TMEM132D: variants seen among roughly 807,000 people sequenced by gnomAD.
The protein encoded by TMEM132D is mature OL transmembrane protein.
Under a neutral mutation model 62.3 loss-of-function variants are expected in TMEM132D, and 21 were observed. The ratio of observed to expected loss-of-function variants is 0.34; its 90% CI spans 0.24 to 0.49. The LOEUF (loss-of-function observed/expected upper bound fraction) is 0.49. Among genes scored for constraint, TMEM132D ranks in the 20% least tolerant of loss-of-function variants. The pLI, the probability that TMEM132D is intolerant of heterozygous loss-of-function variation, is 0.99. For synonymous variants in TMEM132D, 621 were observed against 575.6 expected (o/e 1.08, Z -1.13); for missense variants, 1,346 against 1,402.8 (o/e 0.96, Z 0.65).
intron 3 of TMEM132D, among the ~76,000 whole-genome samples, chr12:129,387,443 T>C (rs1871141658): frequency 6.7e-6 from 1 of 148,488 alleles, no homozygotes. Flanking sequence ...ACAGCAATAC[T>C]AACACTAACA....
At chr12:129,862,555 CG>C (rs1022884625) in intron 1 of TMEM132D, among the ~76,000 whole-genome samples, 3 of 152,204 alleles carry the variant, frequency 2.0e-5, no homozygotes, top group African/African-American at 7.2e-5. Context: ...GACTAATTCA[CG>C]GCAGCCATGG....
intron 1 of TMEM132D, among the ~76,000 whole-genome samples, chr12:129,838,164 C>A (rs980245610): frequency 6.6e-6 from 1 of 152,110 alleles, no homozygotes; most frequent in African/African-American, 2.4e-5. Flanking sequence ...TAAAGGATGA[C>A]CATAAATCAG....
chr12:129,454,471 A>G (rs910223655), intron 3 of TMEM132D, among the ~76,000 whole-genome samples: 1 of 152,180 alleles, frequency 6.6e-6, no homozygotes. Flanking sequence ...GGCTTTAAGA[A>G]GTCTCCTATT....
At chr12:129,553,509 TG>T (rs750180015) in intron 2 of TMEM132D, among the ~76,000 whole-genome samples, 3 of 152,124 alleles carry the variant, frequency 2.0e-5, no homozygotes, top group Non-Finnish European at 2.9e-5. Flanking sequence ...GACTCAGTGG[TG>T]GGATGGAAAA....
intron 2 of TMEM132D, among the ~76,000 whole-genome samples, chr12:129,536,809 A>C (rs1025173783): frequency 7.2e-5 from 11 of 152,226 alleles, no homozygotes; most frequent in African/African-American, 2.4e-4. Flanking sequence ...CTAAAGTAAC[A>C]ATGTGAATGA....
At chr12:129,547,845 C>T (rs1262549128) in intron 2 of TMEM132D, among the ~76,000 whole-genome samples, 2 of 152,184 alleles carry the variant, frequency 1.3e-5, no homozygotes, top group African/African-American at 4.8e-5. Flanking sequence ...ATTAAGTTCT[C>T]TGCAGCACAG....
intron 5 of TMEM132D, among the ~76,000 whole-genome samples, 191 bp downstream of exon 5, chr12:129,209,329 C>A (rs1239933436): frequency 1.3e-5 from 2 of 152,164 alleles, no homozygotes; most frequent in East Asian, 3.9e-4. Context: ...AGCCAGAGCA[C>A]TTTTTCATTC....
chr12:129,584,058 A>G (rs188225164), intron 2 of TMEM132D, among the ~76,000 whole-genome samples: 27 of 152,338 alleles, frequency 1.8e-4, no homozygotes, highest in African/African-American at 6.5e-4. Flanking sequence ...GAAATTTTAA[A>G]TCACACTGTG....
At chr12:129,265,585 G>A (rs1192067551) in intron 4 of TMEM132D, among the ~76,000 whole-genome samples, 2 of 152,038 alleles carry the variant, frequency 1.3e-5, no homozygotes, top group Admixed American at 6.6e-5. Flanking sequence ...GGGTCCTGCC[G>A]TTCGGGCTCC....
chr12:129,437,936 G>T (rs1872833408), intron 3 of TMEM132D, among the ~76,000 whole-genome samples: 1 of 134,162 alleles, frequency 7.5e-6, no homozygotes, highest in Admixed American at 9.2e-5. Context: ...TCCCCTCCAT[G>T]TGTCCATGTG....
intron 3 of TMEM132D, among the ~76,000 whole-genome samples, chr12:129,485,194 T>C (rs1029413371): frequency 2.6e-5 from 4 of 152,000 alleles, no homozygotes; most frequent in Non-Finnish European, 5.9e-5. Flanking sequence ...CCAGGCTCAG[T>C]CCCACGGGGA....
chr12:129,815,626 G>T lies in TMEM132D; in HGVS notation c.79+87635C>A, dbSNP rs116445343. On this transcript the variant is annotated intron_variant, in intron 1 of 8. Transcript: ENST00000422113. ...TAGATGCACGTGCAACAGATGTCAA[G>T]GACTTAATTTTTCTTTATTACAGGA... 1.7e-3 allele frequency among the ~76,000 whole-genome samples: 259 copies of T among 152,298 alleles called. 1 individual carries two copies. The highest frequency in any genetic ancestry group is 5.9e-3 in the African/African-American group (245 of 41,568).
chr12:129,480,259 A>C (rs1874388389), intron 3 of TMEM132D, among the ~76,000 whole-genome samples: 1 of 152,202 alleles, frequency 6.6e-6, no homozygotes, highest in Admixed American at 6.5e-5. Context: ...GAGGGCACCA[A>C]GCAAAGTCAG....
chr12:129,425,088 A>G (rs959983135), intron 3 of TMEM132D, among the ~76,000 whole-genome samples: 8 of 152,218 alleles, frequency 5.3e-5, no homozygotes, highest in African/African-American at 1.9e-4. Context: ...CAAAGGACGT[A>G]TAAGTAATCC....
intron 4 of TMEM132D, among the ~76,000 whole-genome samples, chr12:129,252,522 C>G (rs1282702416): frequency 6.6e-6 from 1 of 152,138 alleles, no homozygotes; most frequent in Non-Finnish European, 1.5e-5. Flanking sequence ...TTCTGGCAAT[C>G]ATTAAAAAGT....
chr12:129,888,425 C>T (rs563653749), intron 1 of TMEM132D, among the ~76,000 whole-genome samples: 7 of 152,220 alleles, frequency 4.6e-5, no homozygotes, highest in East Asian at 3.9e-4. Flanking sequence ...TGTCTGGGCG[C>T]GATGGCTCAC....
chr12:129,670,473 A>G (rs926371988), intron 2 of TMEM132D, among the ~76,000 whole-genome samples: 1 of 151,974 alleles, frequency 6.6e-6, no homozygotes, highest in Admixed American at 6.6e-5. Context: ...AAACTGGCCC[A>G]TATGAACTTG....
intron 5 of TMEM132D, chr12:129,085,067 G>A (rs757468413): frequency 8.5e-6 from 3 of 352,940 alleles, no homozygotes; most frequent in Non-Finnish European, 1.5e-5. Context: ...GTTATGTCCT[G>A]CTCACCCCGC....
intron 1 of TMEM132D, among the ~76,000 whole-genome samples, chr12:129,865,980 C>T (rs191778974): frequency 1.6e-4 from 24 of 152,174 alleles, no homozygotes; most frequent in African/African-American, 5.1e-4. Context: ...GTGTGCCTAA[C>T]GACTAAGACA....
Sources: gnomAD v4.1 joint callset for allele counts (sites outside exome capture counted in the v4.1 genomes callset) on GRCh38, gnomAD v4.1.1 for gene constraint, MANE v1.5 for transcripts, NCBI Gene and HGNC (gene_info 2026-07-23, HGNC 2026-07-21) for gene names.